CACNA1A: variants seen among roughly 807,000 people sequenced by gnomAD.
CACNA1A encodes the protein voltage-dependent P/Q-type calcium channel subunit alpha-1A.
In CACNA1A, 57 loss-of-function variants were observed where a neutral mutation model predicts 262.4. The ratio of observed to expected loss-of-function variants is 0.22; its 90% CI spans 0.18 to 0.27. The LOEUF (loss-of-function observed/expected upper bound fraction) is 0.27, where lower values mean the gene tolerates loss of function less well. Among genes scored for constraint, CACNA1A ranks in the 10% least tolerant of loss-of-function variants. The pLI is 1.00. For synonymous variants in CACNA1A, 1,431 were observed against 1,419.3 expected, an observed-to-expected ratio of 1.01 and a Z score of -0.18; for missense variants, 2,526 against 3,562.8, an observed-to-expected ratio of 0.71 and a Z score of 7.41.
intron 22 of CACNA1A, among the ~76,000 whole-genome samples, chr19:13,279,285 A>G (rs1179115029): frequency 4.6e-5 from 7 of 152,070 alleles, no homozygotes; most frequent in African/African-American, 1.4e-4. Context: ...TGAAAATGTT[A>G]TTTCCTGTGG....
chr19:13,479,323 G>A (rs534512885), intron 1 of CACNA1A, among the ~76,000 whole-genome samples: 10 of 152,360 alleles, frequency 6.6e-5, no homozygotes, highest in Non-Finnish European at 1.0e-4. Context: ...GGCAAATGCT[G>A]AGAAGGTGGC....
intron 3 of CACNA1A, among the ~76,000 whole-genome samples, chr19:13,446,086 C>T (rs1322855504): frequency 6.6e-6 from 1 of 151,926 alleles, no homozygotes; most frequent in Non-Finnish European, 1.5e-5. Context: ...ACCAGTCTGG[C>T]TGATAGTGTG....
intron 1 of CACNA1A, among the ~76,000 whole-genome samples, chr19:13,493,417 AG>A (rs1981130726): frequency 6.6e-6 from 1 of 152,212 alleles, no homozygotes; most frequent in East Asian, 1.9e-4. Context: ...GCCAGATGCC[AG>A]TAGCATCTTG....
rs768531710 is a variant in CACNA1A at position 13,300,757 on chromosome 19, G to A, written c.2173-101C>T. The A allele has an allele frequency of 2.7e-5, 25 of 936,476 alleles. No individual in the cohort carries two copies. In the African/African-American group the frequency reaches 3.4e-4, roughly 13 times the overall value. 58.0% of individuals were successfully genotyped at this position (936,476 alleles called of 1,614,324 possible). ...CCAGGGGCAACATTTGAAATATTTC[G>A]ACCAATCAGAACCAAGGCTCCCCAA... is the stretch of plus-strand genomic sequence containing the variant. On this transcript the variant is annotated intron_variant, in intron 17 of 46. Coordinates refer to ENST00000360228, the MANE Select transcript of CACNA1A (RefSeq NM_001127222.2).
intron 10 of CACNA1A, among the ~76,000 whole-genome samples, chr19:13,328,281 C>CT (rs1247579470): frequency 3.9e-5 from 6 of 152,214 alleles, no homozygotes; most frequent in African/African-American, 9.6e-5. Flanking sequence ...AAGACACCTA[C>CT]TGAGCGCTCC....
rs538016463 is a variant in CACNA1A, at chr19:13,503,909, G to A, written c.293+2023C>T. ...CAATTCACCTGCCTCCCTCTCCCAC[G>A]ATTCCCCCTTCCGAGGGGCCACTGC... On this transcript the variant is annotated intron_variant, in intron 1 of 46. Coordinates refer to ENST00000360228, the MANE Select transcript of CACNA1A (RefSeq NM_001127222.2). 2.0e-5 allele frequency among the ~76,000 whole-genome samples: 3 copies of A among 152,066 alleles called. No individual in the cohort carries two copies. The East Asian group carries it at 5.8e-4, about 29-fold the overall frequency.
intron 3 of CACNA1A, among the ~76,000 whole-genome samples, chr19:13,380,962 G>T (rs1418647534): frequency 3.3e-5 from 5 of 151,784 alleles, no homozygotes; most frequent in Admixed American, 2.0e-4. Flanking sequence ...TTTTTGGAGA[G>T]ACAGGGTTTT....
At chr19:13,258,131 C>T (rs765320027) in intron 27 of CACNA1A, 3 of 152,222 alleles carry the variant, frequency 2.0e-5, no homozygotes, top group Non-Finnish European at 4.4e-5. Context: ...CAGCAACCCT[C>T]CCAGGGAGGT....
chr19:13,207,681 G>A lies in CACNA1A; in HGVS notation c.7153C>T (p.His2385Tyr). 1 of 1,425,820 alleles carries A rather than the reference G, an allele frequency of 7.0e-7. No individual in the cohort carries two copies. The highest frequency in any genetic ancestry group is 9.2e-7 in the Non-Finnish European group (1 of 1,089,144). 88.3% of individuals were successfully genotyped at this position (1,425,820 alleles called of 1,614,324 possible). A position where few individuals can be genotyped will look rare whatever the true frequency, so the allele number is the denominator to read the frequency against. The change falls in exon 47 of 47, where the codon CAC becomes TAC. Residue 2385 changes from histidine (H) to tyrosine (Y), a missense_variant. Physicochemically the swap from His to Tyr is moderately conservative, Grantham distance 83. Transcript: ENST00000360228. This position sits in a 1 kb window ranked among gnomAD's most constrained non-coding sequence, Gnocchi z 5.7. ...GATGCCGGCCACCGGGCCCCGCCGT[G>A]TCGACAGGCCCTGGGGGACTCGCTC... ...ARSESPRACR[H>Y]GGARWPASGP...
intron 1 of CACNA1A, among the ~76,000 whole-genome samples, chr19:13,471,814 C>T (rs1978285368): frequency 6.6e-6 from 1 of 152,094 alleles, no homozygotes; most frequent in South Asian, 2.1e-4. Flanking sequence ...GCAACTGCCT[C>T]ATGGATACAG....
intron 4 of CACNA1A, 62 bp from the exon 5 acceptor site, chr19:13,365,531 C>T: frequency 1.4e-6 from 2 of 1,474,046 alleles, no homozygotes; most frequent in East Asian, 2.3e-5. Flanking sequence ...ACCCCGCCAC[C>T]AAGACGCCCA....
At chr19:13,381,708 T>C (rs2059526106) in intron 3 of CACNA1A, among the ~76,000 whole-genome samples, 1 of 152,182 alleles carries the variant, frequency 6.6e-6, no homozygotes, top group Non-Finnish European at 1.5e-5. Context: ...CCACACCAAT[T>C]CATCCGTGTT....
At chr19:13,442,242 G>A (rs550330962) in intron 3 of CACNA1A, among the ~76,000 whole-genome samples, 1 of 152,278 alleles carries the variant, frequency 6.6e-6, no homozygotes, top group Non-Finnish European at 1.5e-5. Flanking sequence ...ACTAGTGAAT[G>A]GGTTTTATGT....
Position 13,403,796 on chromosome 19 carries a change from A to AAAC in CACNA1A, c.540-32018_540-32017insGTT, listed in dbSNP as rs1568611978. On this transcript the variant is annotated intron_variant, in intron 3 of 46. Coordinates refer to ENST00000360228, the MANE Select transcript of CACNA1A (RefSeq NM_001127222.2). ...GCAAACAAACAAACAAACAAACAAAAAAAAACTTTAAATTAGCTGGGCATG... is the reference window on the plus strand; with the variant it reads ...GCAAACAAACAAACAAACAAACAAAAAACAAAAACTTTAAATTAGCTGGGCATG... Among the ~76,000 whole-genome samples, 1,129 of 151,372 alleles carry AAAC rather than the reference A, an allele frequency of 7.5e-3. 27 individuals carry two copies. In the East Asian group the frequency reaches 0.083, roughly 11 times the overall value.
chr19:13,455,720 G>A (rs1012376642), intron 1 of CACNA1A, among the ~76,000 whole-genome samples: 2 of 151,898 alleles, frequency 1.3e-5, no homozygotes, highest in South Asian at 4.2e-4. Context: ...AAATATGGTG[G>A]CAGGGCCAGC....
intron 3 of CACNA1A, among the ~76,000 whole-genome samples, chr19:13,433,738 C>T (rs1015242555): frequency 6.6e-6 from 1 of 152,118 alleles, no homozygotes; most frequent in African/African-American, 2.4e-5. Flanking sequence ...GCATAGCACC[C>T]AGCAGAACAA....
At chr19:13,487,027 C>T (rs548231175) in intron 1 of CACNA1A, among the ~76,000 whole-genome samples, 7 of 152,280 alleles carry the variant, frequency 4.6e-5, no homozygotes, top group East Asian at 3.9e-4. Context: ...CATGGCCCAC[C>T]GTGGTTCCCA....
In CACNA1A at chr19:13,367,294, C is replaced by CAA. The variant is rs71168702; in HGVS notation, c.632-1827_632-1826dup. On this transcript the variant is annotated intron_variant, in intron 4 of 46. Coordinates refer to ENST00000360228, the MANE Select transcript of CACNA1A (RefSeq NM_001127222.2). ...TGGGTGACAGAGCAAGACTCTGTCTCAAAAAAAAAAAAAAAAAAAAAAAAA... is the reference window on the plus strand; with the variant it reads ...TGGGTGACAGAGCAAGACTCTGTCTCAAAAAAAAAAAAAAAAAAAAAAAAAAA... 3.7e-3 allele frequency among the ~76,000 whole-genome samples: 239 copies of CAA among 64,382 alleles called. 4 individuals carry two copies. The highest frequency in any genetic ancestry group is 9.2e-3 in the African/African-American group (131 of 14,284). 42.2% of individuals were successfully genotyped at this position (64,382 alleles called of 152,430 possible).
rs2144957270 is a variant in CACNA1A, at chr19:13,299,160, C to T, written c.2473G>A (p.Val825Met). Residue 825 changes from valine to methionine, a missense_variant, in exon 19 of 47, where the codon GTG becomes ATG. Around this residue, in one of 17 missense-constraint regions of CACNA1A, gnomAD observed 765 missense variants for 748.6 expected, o/e 1.02. Transcript: ENST00000360228. ...MKTHLDRPLV[V>M]DPQENRNNNT... Reference sequence around the variant, plus strand: ...TTGTTGCGGTTCTCCTGCGGGTCCACCACCAGCGGCCGGTCCAAGTGCGTC... The same window carrying T: ...TTGTTGCGGTTCTCCTGCGGGTCCATCACCAGCGGCCGGTCCAAGTGCGTC... 6.2e-7 allele frequency: 1 copy of T among 1,613,230 alleles called. No individual in the cohort carries two copies. The highest frequency in any genetic ancestry group is 1.1e-5 in the South Asian group (1 of 91,086).
Sources: allele counts gnomAD v4.1 joint callset (sites outside exome capture counted in the v4.1 genomes callset), GRCh38; gene constraint gnomAD v4.1.1; regional missense constraint gnomAD v4.1.1; non-coding constraint Gnocchi (gnomAD v3.1); transcripts MANE v1.5; gene names NCBI Gene and HGNC (gene_info 2026-07-23, HGNC 2026-07-21).